RSPO2: variants seen among roughly 807,000 people sequenced by gnomAD.
RSPO2 encodes R-spondin-2.
RSPO2 carries 14 observed loss-of-function variants against 30.9 expected under a neutral mutation model. The ratio of observed to expected loss-of-function variants is 0.45; its 90% CI spans 0.30 to 0.71. The LOEUF (loss-of-function observed/expected upper bound fraction) is 0.71. Ranked by LOEUF, RSPO2 falls within the 30% of genes least tolerant of loss-of-function variation. RSPO2 has a pLI of 0.08. For missense variants in RSPO2, 264 were observed against 301.9 expected (o/e 0.87, Z 0.93); for synonymous variants, 107 against 96.4 (o/e 1.11, Z -0.64).
chr8:107,983,632 A>C, intron 3 of RSPO2: 3 of 1,596,988 alleles, frequency 1.9e-6, no homozygotes, highest in Non-Finnish European at 2.6e-6. Flanking sequence ...GGAGCAGGCA[A>C]CCAAAATTGC....
intron 2 of RSPO2, among the ~76,000 whole-genome samples, chr8:108,069,278 A>G (rs919468596): frequency 9.9e-5 from 15 of 151,914 alleles, no homozygotes; most frequent in Admixed American, 9.2e-4. Context: ...CAGTGGCACA[A>G]TCTCAGCTTG....
intron 3 of RSPO2, among the ~76,000 whole-genome samples, chr8:107,971,110 T>C (rs1813984752): frequency 6.6e-6 from 1 of 152,202 alleles, no homozygotes; most frequent in East Asian, 1.9e-4. Context: ...GTATGTTTTA[T>C]TTACATAAAA....
At chr8:108,074,313 A>T in intron 2 of RSPO2, among the ~76,000 whole-genome samples, 1 of 152,230 alleles carries the variant, frequency 6.6e-6, no homozygotes. Flanking sequence ...AGTAAAAAAT[A>T]AGAGATATTT....
chr8:107,931,182 A>C (rs1325318101), intron 5 of RSPO2, among the ~76,000 whole-genome samples: 1 of 152,210 alleles, frequency 6.6e-6, no homozygotes, highest in African/African-American at 2.4e-5. Flanking sequence ...AATTGATACC[A>C]ACAACAGATA....
At chr8:108,077,047 T>C (rs1813036668) in intron 2 of RSPO2, among the ~76,000 whole-genome samples, 1 of 152,174 alleles carries the variant, frequency 6.6e-6, no homozygotes, top group Non-Finnish European at 1.5e-5. Flanking sequence ...GGAGTATGAC[T>C]GGCCATTAAG....
At chr8:107,979,197 T>A (rs369494678) in intron 3 of RSPO2, among the ~76,000 whole-genome samples, 15 of 152,178 alleles carry the variant, frequency 9.9e-5, no homozygotes, top group Non-Finnish European at 1.5e-4. Flanking sequence ...ACCCAAAGGA[T>A]TATAAATCAT....
At chr8:107,974,010 C>G (rs1488345906) in intron 3 of RSPO2, among the ~76,000 whole-genome samples, 1 of 150,586 alleles carries the variant, frequency 6.6e-6, no homozygotes, top group Non-Finnish European at 1.5e-5. Context: ...ATACTGTAAG[C>G]CCTCTGTATT....
chr8:107,960,772 C>T lies in RSPO2; in HGVS notation c.329G>A (p.Cys110Tyr). 6.2e-7 allele frequency: 1 copy of T among 1,611,336 alleles called. No homozygotes were observed. Among genetic ancestry groups the T allele is most frequent in the Non-Finnish European group, 8.5e-7 (1 of 1,179,042 alleles). ...ATAAAAGCCTACTTTGCACTTGGTA[C>T]AAAAGTCTTTGCTAAAGCAAGAATC... ...NCDSCFSKDF[C>Y]TKCKVGFYLH... The change falls in exon 4 of 6, where the codon TGT becomes TAT. Residue 110 changes from cysteine to tyrosine, a missense_variant. Cys to Tyr is a radical substitution (Grantham distance 194, BLOSUM62 -2). Coordinates refer to ENST00000276659, the MANE Select transcript of RSPO2 (RefSeq NM_178565.5).
intron 5 of RSPO2, among the ~76,000 whole-genome samples, chr8:107,944,058 T>C (rs1289042837): frequency 6.6e-6 from 1 of 152,220 alleles, no homozygotes; most frequent in Non-Finnish European, 1.5e-5. Flanking sequence ...TTTTGCAAAA[T>C]AGACTCTTCA....
intron 2 of RSPO2, among the ~76,000 whole-genome samples, chr8:108,029,472 C>A (rs1027414698): frequency 1.3e-5 from 2 of 152,072 alleles, no homozygotes; most frequent in Non-Finnish European, 2.9e-5. Context: ...TGTAGGCATA[C>A]AAAATCAACA....
At chr8:107,945,655 C>T (rs1373304223) in intron 5 of RSPO2, among the ~76,000 whole-genome samples, 2 of 152,112 alleles carry the variant, frequency 1.3e-5, no homozygotes, top group African/African-American at 4.8e-5. Context: ...AGGCTGTATA[C>T]ATCCCAATGT....
chr8:108,031,591 G>T (rs936549743), intron 2 of RSPO2, among the ~76,000 whole-genome samples: 4 of 151,984 alleles, frequency 2.6e-5, no homozygotes, highest in African/African-American at 9.7e-5. Flanking sequence ...AAAACAAAAC[G>T]GTAAAAGGCC....
chr8:108,008,370 T>C (rs966197806), intron 2 of RSPO2, among the ~76,000 whole-genome samples: 1 of 152,156 alleles, frequency 6.6e-6, no homozygotes, highest in Non-Finnish European at 1.5e-5. Context: ...AGTTCATCAC[T>C]GTTGGGTAGC....
At chr8:107,982,694 C>T (rs1032190033) in intron 3 of RSPO2, among the ~76,000 whole-genome samples, 2 of 152,068 alleles carry the variant, frequency 1.3e-5, no homozygotes, top group African/African-American at 2.4e-5. Flanking sequence ...ATCAGAATAG[C>T]GACCCAACAA....
At chr8:108,031,644 T>C (rs1173241925) in intron 2 of RSPO2, among the ~76,000 whole-genome samples, 1 of 152,132 alleles carries the variant, frequency 6.6e-6, no homozygotes, top group South Asian at 2.1e-4. Context: ...CAAAAATGAA[T>C]AGATTAAAAA....
chr8:108,034,078 G>C (rs1811512829), intron 2 of RSPO2, among the ~76,000 whole-genome samples: 1 of 152,144 alleles, frequency 6.6e-6, no homozygotes, highest in Admixed American at 6.5e-5. Flanking sequence ...TGTTTAAAAA[G>C]TGCATCGGAT....
intron 5 of RSPO2, among the ~76,000 whole-genome samples, chr8:107,909,525 G>A (rs963225372): frequency 8.6e-5 from 13 of 152,026 alleles, no homozygotes; most frequent in African/African-American, 3.1e-4. Flanking sequence ...TTACAGTACA[G>A]GCATGAACCA....
rs370041758 is a variant in RSPO2, at chr8:107,911,991, C to T, written c.617-10801G>A. On this transcript the variant is annotated intron_variant, in intron 5 of 5. Transcript: ENST00000276659. The stretch of plus-strand genomic sequence containing the variant: ...TCCCTGATGGGCCTGGCCTACAACC[C>T]ATATTCCTCAAATCAGTTATTCCCT... Among the ~76,000 whole-genome samples, 9 of 152,236 alleles carry T rather than the reference C, an allele frequency of 5.9e-5. No homozygotes were observed. In the East Asian group the frequency reaches 1.4e-3, roughly 23 times the overall value.
intron 5 of RSPO2, among the ~76,000 whole-genome samples, chr8:107,955,022 T>C (rs1404820932): frequency 6.6e-6 from 1 of 152,160 alleles, no homozygotes; most frequent in African/African-American, 2.4e-5. Flanking sequence ...AAAAGAATCT[T>C]GGTTAGTCTT....
Sources: allele counts gnomAD v4.1 joint callset (sites outside exome capture counted in the v4.1 genomes callset), GRCh38; gene constraint gnomAD v4.1.1; transcripts MANE v1.5; gene names NCBI Gene and HGNC (gene_info 2026-07-23, HGNC 2026-07-21).